The following NDST3 variants were observed in gnomAD, a reference collection of about 807,000 sequenced individuals.
The protein encoded by NDST3 is bifunctional heparan sulfate N-deacetylase/N-sulfotransferase 3.
Under a neutral mutation model 96.1 loss-of-function variants are expected in NDST3, and 58 were observed. The ratio of observed to expected loss-of-function variants is 0.60; its 90% CI spans 0.49 to 0.75. The LOEUF is 0.75. NDST3 is among the 30% of genes least tolerant of loss of function. NDST3 has a pLI of 0.00. For missense variants in NDST3, 788 were observed against 1,034.2 expected (o/e 0.76, Z 3.27); for synonymous variants, 333 against 359.7 (o/e 0.93, Z 0.84).
Position 118,257,470 on chromosome 4 carries a change from A to G in NDST3, c.*1758A>G, listed in dbSNP as rs1046384272. The G allele has an allele frequency of 6.6e-6, 1 of 152,174 alleles. No individual in the cohort carries two copies. Among genetic ancestry groups the G allele is most frequent in the African/African-American group, 2.4e-5 (1 of 41,448 alleles). The allele number at this position is 152,174 out of a possible 1,614,324, so 9.4% of individuals were successfully genotyped here. A position where few individuals can be genotyped will look rare whatever the true frequency, so the allele number is the denominator to read the frequency against. ...TTTTAAATGTACTGTACATATACAT[A>G]AAATTTAAGTAGTAAATTAATTCCC... On this transcript the variant is annotated 3_prime_UTR_variant, in exon 14 of 14. Transcript: ENST00000296499.
chr4:118,121,113 C>A (rs1240518605), intron 4 of NDST3, among the ~76,000 whole-genome samples: 3 of 152,242 alleles, frequency 2.0e-5, no homozygotes, highest in East Asian at 3.9e-4. Context: ...ATATCAACCT[C>A]CTGCTAAAGA....
At chr4:118,236,461 A>C (rs1030639409) in intron 9 of NDST3, among the ~76,000 whole-genome samples, 16 of 152,212 alleles carry the variant, frequency 1.1e-4, no homozygotes, top group African/African-American at 3.9e-4. Context: ...CTTCTCTTAC[A>C]ATTATTCTAA....
chr4:118,110,543 A>G (rs1017879549), intron 3 of NDST3, among the ~76,000 whole-genome samples: 1 of 152,246 alleles, frequency 6.6e-6, no homozygotes, highest in Non-Finnish European at 1.5e-5. Flanking sequence ...ACAGTGCTTG[A>G]CATAACAACA....
At position 118,194,299 on chromosome 4, in the gene NDST3, T is replaced by C. The variant is rs970661335; in HGVS notation, c.1540-30192T>C. ...AGCCTTCACCGCAAGTCTGTAATTC[T>C]GTAGATGATTCCGCCATCTTCTTCT... On this transcript the variant is annotated intron_variant, in intron 6 of 13. Coordinates refer to ENST00000296499, the MANE Select transcript of NDST3 (RefSeq NM_004784.3). The C allele has an allele frequency of 6.8e-6, 5 of 734,014 alleles. No individual in the cohort carries two copies. In the African/African-American group the frequency reaches 6.9e-5, roughly 10 times the overall value. The allele number at this position is 734,014 out of a possible 1,614,324, so 45.5% of individuals were successfully genotyped here. A position where few individuals can be genotyped will look rare whatever the true frequency, so the allele number is the denominator to read the frequency against.
At chr4:118,212,010 T>C (rs1351103408) in intron 6 of NDST3, among the ~76,000 whole-genome samples, 1 of 152,134 alleles carries the variant, frequency 6.6e-6, no homozygotes, top group Non-Finnish European at 1.5e-5. Context: ...TTGGGACCAC[T>C]GTTTCTTTCC....
Position 118,058,430 on chromosome 4 carries a change from C to CAAAAAAAAAAA in NDST3, c.981+3545_981+3555dup, listed in dbSNP as rs35067389. ...TTTCATTCTTTGTGCCACAAAAAGACAAAAAAAAAAAAAAAACAGACCTAA... is the reference window on the plus strand; with the variant it reads ...TTTCATTCTTTGTGCCACAAAAAGACAAAAAAAAAAAAAAAAAAAAAAAAAAACAGACCTAA... On this transcript the variant is annotated intron_variant, in intron 2 of 13. Transcript: ENST00000296499. Among the ~76,000 whole-genome samples, 51 of 118,114 alleles carry CAAAAAAAAAAA rather than the reference C, an allele frequency of 4.3e-4. 1 individual carries two copies. The highest frequency in any genetic ancestry group is 6.7e-4 in the African/African-American group (19 of 28,476). The allele number at this position is 118,114 out of a possible 152,430, so 77.5% of individuals were successfully genotyped here. A position where few individuals can be genotyped will look rare whatever the true frequency, so the allele number is the denominator to read the frequency against.
chr4:118,183,690 G>T (rs1412133193), intron 6 of NDST3, among the ~76,000 whole-genome samples: 1 of 152,184 alleles, frequency 6.6e-6, no homozygotes, highest in Non-Finnish European at 1.5e-5. Flanking sequence ...TCCCTTGCAA[G>T]ACAAGTGGTT....
Position 118,053,898 on chromosome 4 carries a change from A to T in NDST3, c.-13A>T. 6.4e-7 allele frequency: 1 copy of T among 1,571,168 alleles called. No homozygotes were observed. Among genetic ancestry groups the T allele is most frequent in the Non-Finnish European group, 8.6e-7 (1 of 1,159,198 alleles). On this transcript the variant is annotated 5_prime_UTR_variant, in exon 2 of 14. Coordinates refer to ENST00000296499, the MANE Select transcript of NDST3 (RefSeq NM_004784.3). ...GTGCTTCTGTTGGCATAGTTGGGGA[A>T]AGCACCTACAACATGAGTTTTATCA... is the stretch of plus-strand genomic sequence containing the variant.
chr4:118,153,815 C>G (rs1026861722), intron 6 of NDST3, among the ~76,000 whole-genome samples: 13 of 151,956 alleles, frequency 8.6e-5, no homozygotes, highest in African/African-American at 3.1e-4. Context: ...CAGAGAGAGA[C>G]TCCATCTAAA....
chr4:118,151,730 T>TA (rs1181844002), intron 6 of NDST3, among the ~76,000 whole-genome samples: 3 of 152,128 alleles, frequency 2.0e-5, no homozygotes, highest in Non-Finnish European at 2.9e-5. Flanking sequence ...AATAGAACTT[T>TA]AAAAAACAGT....
At chr4:118,194,722 C>G in intron 6 of NDST3, 1 of 535,964 alleles carries the variant, frequency 1.9e-6, no homozygotes, top group Admixed American at 3.0e-5. Context: ...GTGTCCCATT[C>G]TCAGTCTCCT....
At chr4:118,218,658 T>G (rs1739345027) in intron 6 of NDST3, among the ~76,000 whole-genome samples, 1 of 152,136 alleles carries the variant, frequency 6.6e-6, no homozygotes, top group African/African-American at 2.4e-5. Flanking sequence ...CTTTCACCAC[T>G]GCTATTCAAC....
At chr4:118,208,781 G>T (rs2125984907) in intron 6 of NDST3, among the ~76,000 whole-genome samples, 1 of 144,718 alleles carries the variant, frequency 6.9e-6, no homozygotes, top group African/African-American at 2.5e-5. Flanking sequence ...CCCTTCATTA[G>T]AGGGGCTGTC....
At chr4:118,177,258 TA>T (rs1736337968) in intron 6 of NDST3, among the ~76,000 whole-genome samples, 1 of 152,014 alleles carries the variant, frequency 6.6e-6, no homozygotes, top group Admixed American at 6.6e-5. Context: ...ATAGGATTCT[TA>T]GGATAAAGAC....
chr4:118,128,555 G>A (rs1168716514), intron 4 of NDST3, among the ~76,000 whole-genome samples: 5 of 152,010 alleles, frequency 3.3e-5, no homozygotes, highest in East Asian at 1.9e-4. Context: ...CATGATAAAC[G>A]ATCTTTTTAA....
At chr4:118,140,969 C>T (rs945281876) in intron 5 of NDST3, among the ~76,000 whole-genome samples, 2 of 152,188 alleles carry the variant, frequency 1.3e-5, no homozygotes, top group African/African-American at 4.8e-5. Flanking sequence ...TATCTACTTA[C>T]TGTTTTTAAT....
At chr4:118,236,082 G>A (rs1271352710) in intron 9 of NDST3, among the ~76,000 whole-genome samples, 2 of 152,118 alleles carry the variant, frequency 1.3e-5, no homozygotes, top group Non-Finnish European at 2.9e-5. Context: ...TTTTTATTCA[G>A]TAATTATTGA....
At chr4:118,158,878 A>G (rs1163871601) in intron 6 of NDST3, among the ~76,000 whole-genome samples, 2 of 152,238 alleles carry the variant, frequency 1.3e-5, no homozygotes, top group Non-Finnish European at 2.9e-5. Context: ...CATCAACTGA[A>G]CAACAATACA....
intron 5 of NDST3, among the ~76,000 whole-genome samples, chr4:118,141,235 C>T (rs1387465565): frequency 6.6e-6 from 1 of 152,120 alleles, no homozygotes; most frequent in Non-Finnish European, 1.5e-5. Context: ...CTGTTACATT[C>T]CCAGAACCAA....
Sources: gnomAD v4.1 joint callset for allele counts (sites outside exome capture counted in the v4.1 genomes callset) on GRCh38, gnomAD v4.1.1 for gene constraint, MANE v1.5 for transcripts, NCBI Gene and HGNC (gene_info 2026-07-23, HGNC 2026-07-21) for gene names.